Variants in TTLL4 observed in about 807,000 individuals in gnomAD.
TTLL4 encodes the protein tubulin monoglutamylase TTLL4.
Under a neutral mutation model 122.7 loss-of-function variants are expected in TTLL4, and 85 were observed. The ratio of observed to expected loss-of-function variants is 0.69; its 90% CI spans 0.58 to 0.83. TTLL4 has a LOEUF of 0.83. Among genes scored for constraint, TTLL4 ranks in the 40% least tolerant of loss-of-function variants. TTLL4 has a pLI of 0.00. For synonymous variants in TTLL4, 553 were observed against 563.0 expected (o/e 0.98, Z 0.25); for missense variants, 1,363 against 1,488.6 (o/e 0.92, Z 1.39).
chr2:218,753,639 C>T lies in TTLL4; in HGVS notation c.3314C>T (p.Ala1105Val). 2.5e-6 allele frequency: 4 copies of T among 1,614,204 alleles called. No individual in the cohort carries two copies. The highest frequency in any genetic ancestry group is 3.4e-6 in the Non-Finnish European group (4 of 1,180,046). ...TISKDDVILN[A>V]FSKSETSKLG... ...TCAAAGGATGACGTGATACTCAATGCCTTCAGCAAATCAGAGACTAGCAAG... is the reference window on the plus strand; with the variant it reads ...TCAAAGGATGACGTGATACTCAATGTCTTCAGCAAATCAGAGACTAGCAAG... The change falls in exon 19 of 20, where the codon GCC becomes GTC. Residue 1105 changes from alanine to valine, a missense_variant. Physicochemically the swap from Ala to Val is moderately conservative, Grantham distance 64 (BLOSUM62 0). This residue lies in a region of TTLL4 where 596 missense variants were observed against 655.8 expected (regional missense o/e 0.91). Transcript: ENST00000392102.
intron 1 of TTLL4, among the ~76,000 whole-genome samples, chr2:218,715,315 C>G (rs1941825870): frequency 6.6e-6 from 1 of 152,140 alleles, no homozygotes; most frequent in African/African-American, 2.4e-5. Flanking sequence ...TGGTACTATG[C>G]AAAACAAAGC....
chr2:218,748,693 T>G, intron 12 of TTLL4, 143 bp from the exon 13 acceptor site: 2 of 548,068 alleles, frequency 3.6e-6, no homozygotes, highest in East Asian at 3.5e-5. Context: ...TCTATTTGCA[T>G]CCAAGTTCAT....
rs1221831696 is a variant in TTLL4 at position 218,710,922 on chromosome 2, C to CA, written c.-292dup. 1 of 152,698 alleles carries CA rather than the reference C, an allele frequency of 6.5e-6. No homozygotes were observed. The highest frequency in any genetic ancestry group is 1.5e-5 in the Non-Finnish European group (1 of 68,456). The allele number at this position is 152,698 out of a possible 1,614,324, so 9.5% of individuals were successfully genotyped here. ...GGCGCTGGCGGCCGAGTGCGCTTGT[C>CA]ACGCGTGGCGGTGCGTGGTTGCTAG... On this transcript the variant is annotated 5_prime_UTR_variant, in exon 1 of 20. Transcript: ENST00000392102.
At chr2:218,750,601 C>T (rs563234834) in intron 15 of TTLL4, among the ~76,000 whole-genome samples, 180 of 152,224 alleles carry the variant, frequency 1.2e-3, no homozygotes, top group African/African-American at 4.1e-3. Context: ...CTTGGTGTAT[C>T]TCTCTTTCTT....
downstream of TTLL4, among the ~76,000 whole-genome samples, chr2:218,755,874 G>A (rs1943142632): frequency 6.6e-6 from 1 of 152,156 alleles, no homozygotes; most frequent in African/African-American, 2.4e-5. Context: ...GGCCTGATTG[G>A]GTTCAAGGCC....
chr2:218,731,805 C>T (rs1159850768), intron 2 of TTLL4, among the ~76,000 whole-genome samples: 5 of 152,180 alleles, frequency 3.3e-5, no homozygotes, highest in Non-Finnish European at 7.3e-5. Context: ...TCATGAGTCA[C>T]CACAAGGCCG....
At chr2:218,735,904 C>T (rs1559364993) in intron 2 of TTLL4, among the ~76,000 whole-genome samples, 1 of 150,516 alleles carries the variant, frequency 6.6e-6, no homozygotes, top group Non-Finnish European at 1.5e-5. Flanking sequence ...CTCCTGACCT[C>T]GTGATCCACC....
rs779822305 is a variant in TTLL4, at chr2:218,753,120, G to A, written c.3193G>A (p.Asp1065Asn). The change falls in exon 18 of 20, where the codon GAT (aspartate) becomes AAT (asparagine). Residue 1065 changes from aspartate to asparagine, a missense_variant. By Grantham distance (23) the Asp-to-Asn change is conservative. Coordinates refer to ENST00000392102, the MANE Select transcript of TTLL4 (RefSeq NM_014640.5). Reference sequence around the variant, plus strand: ...TCCTGCTAATCTTGTCCTAGGAGTAGATCTGCTCCGGAGTTGGTGCTACAA... The same window carrying A: ...TCCTGCTAATCTTGTCCTAGGAGTAAATCTGCTCCGGAGTTGGTGCTACAA... ...KYHGNKLKGV[D>N]LLRSWCYKGF... is the part of the protein sequence containing the mutation. 6.8e-6 allele frequency: 11 copies of A among 1,614,082 alleles called. No individual in the cohort carries two copies. The South Asian group carries it at 1.2e-4, about 18-fold the overall frequency.
intron 5 of TTLL4, among the ~76,000 whole-genome samples, chr2:218,744,800 C>T (rs1476708893): frequency 6.6e-6 from 1 of 152,188 alleles, no homozygotes; most frequent in Admixed American, 6.5e-5. Flanking sequence ...CATTTCCCCT[C>T]TCAGAACTAC....
In TTLL4 at chr2:218,737,910, A is replaced by C. The variant is rs1396726963; in HGVS notation, c.234A>C (p.Pro78=). The C allele has an allele frequency of 1.9e-6, 3 of 1,614,216 alleles. No individual in the cohort carries two copies. Among genetic ancestry groups the C allele is most frequent in the East Asian group, 4.5e-5 (2 of 44,876 alleles). ...GPGLLGVPPQ[P]AYFFCPSTLC... is the part of the protein sequence containing the mutation. ...GCCTCTTGGGCGTCCCACCCCAGCCAGCATATTTCTTTTGCCCCAGCACTT... is the reference window on the plus strand; with the variant it reads ...GCCTCTTGGGCGTCCCACCCCAGCCCGCATATTTCTTTTGCCCCAGCACTT... The change falls in exon 3 of 20, where the codon CCA becomes CCC. Residue 78 remains proline, a synonymous_variant. Coordinates refer to ENST00000392102, the MANE Select transcript of TTLL4 (RefSeq NM_014640.5).
Position 218,717,365 on chromosome 2 carries a change from TC to T in TTLL4, c.-178+6330del, listed in dbSNP as rs1941893267. 3.3e-5 allele frequency among the ~76,000 whole-genome samples: 5 copies of T among 152,190 alleles called. No homozygotes were observed. In the South Asian group the frequency reaches 1.0e-3, roughly 32 times the overall value. The stretch of plus-strand genomic sequence containing the variant: ...TGGACCATGCTTTGAGAACTGCTGC[TC>T]CAGAGCCCACCTGAGAAGGAGGAAA... On this transcript the variant is annotated intron_variant, in intron 1 of 19. Coordinates refer to ENST00000392102, the MANE Select transcript of TTLL4 (RefSeq NM_014640.5).
intron 2 of TTLL4, among the ~76,000 whole-genome samples, chr2:218,730,499 C>T (rs946400392): frequency 4.0e-5 from 6 of 151,598 alleles, no homozygotes; most frequent in Middle Eastern, 6.3e-3. Context: ...CAGAGCGAGA[C>T]GCTGTCTCAA....
In TTLL4 at chr2:218,748,932, C is replaced by T. The variant is rs761485438; in HGVS notation, c.2598C>T (p.Ile866=). 5.6e-6 allele frequency: 9 copies of T among 1,613,966 alleles called. No homozygotes were observed. In the South Asian group the frequency reaches 8.8e-5, roughly 16 times the overall value. ...KIKDVVVKTI[I]SSEPYVTSLL... is the part of the protein sequence containing the mutation. ...AGGATGTTGTTGTCAAAACTATCATCTCGTGAGTCACATTGCCAACCTGGA... is the reference window on the plus strand; with the variant it reads ...AGGATGTTGTTGTCAAAACTATCATTTCGTGAGTCACATTGCCAACCTGGA... Residue 866 remains isoleucine (I), a splice_region_variant and synonymous_variant, in exon 13 of 20, where the codon ATC becomes ATT. Transcript: ENST00000392102.
Position 218,738,648 on chromosome 2 carries a change from C to G in TTLL4, c.972C>G (p.Ser324Arg), listed in dbSNP as rs779913721. The change falls in exon 3 of 20, where the codon AGC becomes AGG. Residue 324 changes from serine to arginine, a missense_variant. Physicochemically the swap from Ser to Arg is moderately radical, Grantham distance 110 (BLOSUM62 -1). This residue lies in a region of TTLL4 where 760 missense variants were observed against 808.4 expected (regional missense o/e 0.94). Transcript: ENST00000392102. The stretch of plus-strand genomic sequence containing the variant: ...CACTTTCCTGTGCTCTGGATGACAG[C>G]TCTGATTCCCAGGATCCAACTAAGG... ...AEPLSCALDD[S>R]SDSQDPTKEI... The G allele has an allele frequency of 2.8e-5, 46 of 1,614,102 alleles. No homozygotes were observed. The highest frequency in any genetic ancestry group is 3.7e-5 in the Non-Finnish European group (44 of 1,180,044).
chr2:218,727,708 C>T (rs999076133), intron 2 of TTLL4, among the ~76,000 whole-genome samples: 2 of 152,092 alleles, frequency 1.3e-5, no homozygotes, highest in Non-Finnish European at 2.9e-5. Context: ...CACCACTGCA[C>T]TCCAGCCTGG....
rs1474186091 is a variant in TTLL4 at position 218,745,958 on chromosome 2, A to G, written c.1897+157A>G. 5 of 876,758 alleles carry G rather than the reference A, an allele frequency of 5.7e-6. No homozygotes were observed. In the East Asian group the frequency reaches 1.0e-4, roughly 18 times the overall value. The allele number at this position is 876,758 out of a possible 1,614,324, so 54.3% of individuals were successfully genotyped here. A position where few individuals can be genotyped will look rare whatever the true frequency, so the allele number is the denominator to read the frequency against. ...GGAGGGTGTAGCTCTGAAATCCTGG[A>G]CTGAGCCTGTTGTTCAGAATTGAGA... On this transcript the variant is annotated intron_variant, in intron 7 of 19. Coordinates refer to ENST00000392102, the MANE Select transcript of TTLL4 (RefSeq NM_014640.5).
At chr2:218,756,397 A>G (rs1272320452), downstream of TTLL4, among the ~76,000 whole-genome samples, 1 of 152,204 alleles carries the variant, frequency 6.6e-6, no homozygotes, top group East Asian at 1.9e-4. Flanking sequence ...TGAGCAATGA[A>G]GGTCCTAAAA....
chr2:218,720,419 T>C (rs558938283), intron 1 of TTLL4, among the ~76,000 whole-genome samples: 3 of 152,264 alleles, frequency 2.0e-5, no homozygotes, highest in Admixed American at 2.0e-4. Flanking sequence ...CTTTTTCATA[T>C]GAATAGGTCC....
chr2:218,751,761 GA>G lies in TTLL4; in HGVS notation c.2933del (p.Lys978ArgfsTer2). 6.2e-7 allele frequency: 1 copy of G among 1,613,622 alleles called. No homozygotes were observed. Among genetic ancestry groups the G allele is most frequent in the Non-Finnish European group, 8.5e-7 (1 of 1,179,672 alleles). On this transcript the variant is annotated frameshift_variant, in exon 16 of 20. Transcript: ENST00000392102. LOFTEE classifies it high-confidence loss of function. ...TGGCTCCAGAGCATGTCACTGCACA[GA>G]AGATGAAGAAAGCCTATTATCTGAC... ...RMAPEHVTAQ[K>X]MKKAYYLTQK...
Sources: allele counts gnomAD v4.1 joint callset (sites outside exome capture counted in the v4.1 genomes callset), GRCh38; gene constraint gnomAD v4.1.1; regional missense constraint gnomAD v4.1.1; transcripts MANE v1.5; gene names NCBI Gene and HGNC (gene_info 2026-07-23, HGNC 2026-07-21).